Variants in KIAA1217 observed in about 807,000 individuals in gnomAD.
KIAA1217 encodes the protein KIAA1217, also known as sickle tail protein homolog.
A neutral mutation model predicts 163.9 loss-of-function variants in KIAA1217; 88 were observed. The ratio of observed to expected loss-of-function variants is 0.54; its 90% CI spans 0.45 to 0.64. The LOEUF is 0.64. KIAA1217 is among the 30% of genes least tolerant of loss of function. The pLI, the probability that KIAA1217 is intolerant of heterozygous loss-of-function variation, is 0.00. For missense variants in KIAA1217, 2,372 were observed against 2,475.0 expected (o/e 0.96, Z 0.88); for synonymous variants, 903 against 923.1 (o/e 0.98, Z 0.39).
At chr10:24,005,865 G>C (rs182497959) in intron 1 of KIAA1217, among the ~76,000 whole-genome samples, 2 of 152,288 alleles carry the variant, frequency 1.3e-5, no homozygotes, top group Non-Finnish European at 1.5e-5. Context: ...TTATGACGAA[G>C]TGGTCACAGA....
chr10:24,451,064 A>T (rs545086201), intron 5 of KIAA1217, among the ~76,000 whole-genome samples: 4 of 152,216 alleles, frequency 2.6e-5, no homozygotes, highest in African/African-American at 9.6e-5. Flanking sequence ...CAACTTACTC[A>T]GAGCATAATG....
At chr10:24,418,892 C>A (rs369767422) in intron 3 of KIAA1217, among the ~76,000 whole-genome samples, 5 of 151,572 alleles carry the variant, frequency 3.3e-5, no homozygotes, top group African/African-American at 9.7e-5. Context: ...TTAAGAAAAT[C>A]TCTGCTGGGT....
At chr10:24,077,339 C>A (rs1011705984) in intron 2 of KIAA1217, among the ~76,000 whole-genome samples, 4 of 152,154 alleles carry the variant, frequency 2.6e-5, no homozygotes, top group Admixed American at 2.6e-4. Flanking sequence ...TCCCTCCTCC[C>A]ACTCTCCACC....
chr10:24,229,506 T>C (rs1225414063), intron 2 of KIAA1217, among the ~76,000 whole-genome samples: 1 of 152,158 alleles, frequency 6.6e-6, no homozygotes, highest in East Asian at 1.9e-4. Flanking sequence ...TTCTTTTTTA[T>C]TTTTATTTTG....
At chr10:24,195,036 C>G (rs187402925) in intron 2 of KIAA1217, among the ~76,000 whole-genome samples, 2 of 152,232 alleles carry the variant, frequency 1.3e-5, no homozygotes, top group East Asian at 1.9e-4. Context: ...TTCCTCCTCT[C>G]CTGGTCCCCT....
chr10:24,363,597 CT>C (rs1292016503), intron 2 of KIAA1217, among the ~76,000 whole-genome samples: 1 of 141,520 alleles, frequency 7.1e-6, no homozygotes. Context: ...CAGGGTCTTA[CT>C]CTGTTGACCG....
chr10:23,740,897 C>G (rs6482339), intron 1 of KIAA1217, among the ~76,000 whole-genome samples: 32,781 of 151,978 alleles, frequency 0.22, 3,739 homozygotes, highest in Middle Eastern at 0.28. Context: ...CATTGCACTC[C>G]AGCCTGGGGG....
intron 2 of KIAA1217, among the ~76,000 whole-genome samples, chr10:24,201,305 T>A (rs1444337634): frequency 6.6e-6 from 1 of 152,160 alleles, no homozygotes; most frequent in African/African-American, 2.4e-5. Context: ...CTTTTTTACT[T>A]TTATGAACTC....
chr10:23,905,077 T>G (rs1842102138), intron 1 of KIAA1217, among the ~76,000 whole-genome samples: 1 of 149,812 alleles, frequency 6.7e-6, no homozygotes, highest in Admixed American at 6.6e-5. Flanking sequence ...TTTTTTTTTT[T>G]TTTTTTTTTA....
rs1455233199 is a variant in KIAA1217, at chr10:24,524,765, G to C, written c.2898+1G>C. The C allele has an allele frequency of 6.3e-7, 1 of 1,579,886 alleles. No individual in the cohort carries two copies. The highest frequency in any genetic ancestry group is 8.6e-7 in the Non-Finnish European group (1 of 1,158,740). ...CAAGAACAGGGCAGTGTCTATCGAG[G>C]TAGAGTCCTATTTCTGTTTCTCATA... is the stretch of plus-strand genomic sequence containing the variant. On this transcript the variant is annotated splice_donor_variant, in intron 13 of 20. Transcript: ENST00000376454. LOFTEE classifies it high-confidence loss of function.
chr10:24,299,607 T>C (rs2132664398), intron 2 of KIAA1217, among the ~76,000 whole-genome samples: 1 of 152,234 alleles, frequency 6.6e-6, no homozygotes, highest in South Asian at 2.1e-4. Flanking sequence ...CCTATGTTGC[T>C]CAGGCTGGTT....
intron 2 of KIAA1217, among the ~76,000 whole-genome samples, chr10:24,184,196 G>A (rs897547329): frequency 6.6e-6 from 1 of 152,228 alleles, no homozygotes; most frequent in Non-Finnish European, 1.5e-5. Context: ...GGTGGAATGT[G>A]TACGTATGGT....
chr10:24,448,754 G>C (rs1287893823), intron 5 of KIAA1217, among the ~76,000 whole-genome samples: 3 of 152,196 alleles, frequency 2.0e-5, no homozygotes, highest in African/African-American at 4.8e-5. Context: ...TAAGGGTGAT[G>C]ATTTTTGAAC....
chr10:24,228,779 T>C (rs2070951255), intron 2 of KIAA1217, among the ~76,000 whole-genome samples: 1 of 152,228 alleles, frequency 6.6e-6, no homozygotes, highest in Admixed American at 6.5e-5. Flanking sequence ...GTTTGTTTCA[T>C]CAGCTCTCCC....
In KIAA1217 at chr10:23,985,225, T is replaced by C. The variant is rs142831440; in HGVS notation, c.-320-22000T>C. On this transcript the variant is annotated intron_variant, in intron 1 of 18. Coordinates refer to the KIAA1217 transcript ENST00000376462. ...ATTAATGATATACAATGCCCTTTAG[T>C]AGACCTTTTCCTGACACAGTGTGTT... 2.6e-5 allele frequency among the ~76,000 whole-genome samples: 4 copies of C among 152,356 alleles called. No individual in the cohort carries two copies. The East Asian group carries it at 7.7e-4, about 29-fold the overall frequency.
intron 2 of KIAA1217, among the ~76,000 whole-genome samples, chr10:24,351,650 A>G (rs947377227): frequency 2.0e-5 from 3 of 152,276 alleles, no homozygotes; most frequent in Admixed American, 2.0e-4. Context: ...TTTTTCGTTT[A>G]TGGACCCCAT....
At chr10:24,133,078 A>C (rs1053425197) in intron 2 of KIAA1217, among the ~76,000 whole-genome samples, 2 of 152,120 alleles carry the variant, frequency 1.3e-5, no homozygotes, top group African/African-American at 4.8e-5. Context: ...GAGAAAAAAA[A>C]AAAAATGGAA....
intron 1 of KIAA1217, among the ~76,000 whole-genome samples, chr10:23,992,167 T>G (rs186464148): frequency 1.3e-5 from 2 of 152,184 alleles, no homozygotes; most frequent in East Asian, 3.9e-4. Flanking sequence ...TTGCTACCCA[T>G]GTAGATTTAT....
intron 2 of KIAA1217, among the ~76,000 whole-genome samples, chr10:24,033,927 T>C (rs991049905): frequency 6.6e-6 from 1 of 152,220 alleles, no homozygotes; most frequent in Non-Finnish European, 1.5e-5. Flanking sequence ...TATTTACTGT[T>C]TGGCTCCTTA....
Sources: allele counts gnomAD v4.1 joint callset (sites outside exome capture counted in the v4.1 genomes callset), GRCh38; gene constraint gnomAD v4.1.1; transcripts MANE v1.5; gene names NCBI Gene and HGNC (gene_info 2026-07-23, HGNC 2026-07-21).